Variants in TTLL10 observed in about 807,000 individuals in gnomAD.
The protein encoded by TTLL10 is inactive polyglycylase TTLL10.
A neutral mutation model predicts 69.0 loss-of-function variants in TTLL10; 61 were observed. The ratio of observed to expected loss-of-function variants is 0.88; its 90% confidence interval spans 0.72 to 1.09. TTLL10 has a LOEUF of 1.09. TTLL10 is among the 50% of genes least tolerant of loss of function. The pLI, the probability that TTLL10 is intolerant of heterozygous loss-of-function variation, is 0.00. For synonymous variants in TTLL10, 408 were observed against 393.3 expected (o/e 1.04, Z -0.44); for missense variants, 962 against 945.9 (o/e 1.02, Z -0.22).
chr1:1,192,305 T>C (rs1647856839), intron 13 of TTLL10, among the ~76,000 whole-genome samples: 1 of 152,294 alleles, frequency 6.6e-6, no homozygotes, highest in African/African-American at 2.4e-5. Flanking sequence ...TTTATCGTTA[T>C]AAAAATTTTC....
At chr1:1,176,970 C>CCCCTTTT (rs1557470376) in intron 3 of TTLL10, among the ~76,000 whole-genome samples, 2 of 152,284 alleles carry the variant, frequency 1.3e-5, no homozygotes, top group East Asian at 3.9e-4. Context: ...CCCTGTTTCT[C>CCCCTTTT]CCCTTTTCTC....
chr1:1,177,843 G>A (rs1357203189), intron 3 of TTLL10, among the ~76,000 whole-genome samples: 1 of 152,186 alleles, frequency 6.6e-6, no homozygotes, highest in Non-Finnish European at 1.5e-5. Flanking sequence ...AAGTCCTCCT[G>A]TTCTGGGTGG....
At chr1:1,196,805 G>A in intron 14 of TTLL10, 89 bp downstream of exon 14, 2 of 975,286 alleles carry the variant, frequency 2.1e-6, no homozygotes, top group Admixed American at 2.0e-5. Context: ...CAGGCCCCAG[G>A]CAGAATCTGC....
intron 13 of TTLL10, among the ~76,000 whole-genome samples, chr1:1,194,356 T>A (rs190764062): frequency 8.5e-5 from 13 of 152,330 alleles, no homozygotes; most frequent in Non-Finnish European, 1.9e-4. Context: ...TATTGTTGTA[T>A]ACAGTTGTCT....
rs754823116 is a variant in TTLL10 at position 1,179,703 on chromosome 1, C to T, written c.165C>T (p.Pro55=). 122 of 1,550,616 alleles carry T rather than the reference C, an allele frequency of 7.9e-5. No individual in the cohort carries two copies. The highest frequency in any genetic ancestry group is 1.7e-4 in the Middle Eastern group (1 of 6,012). Residue 55 remains proline (P), a synonymous_variant, in exon 5 of 16, where the codon CCC becomes CCT. Transcript: ENST00000379289. ...SRLHPAPASQ[P]GPCPAPGHCP... ...TGCACCCAGCACCGGCCTCACAGCC[C>T]GGCCCCTGCCCTGCACCAGGCCACT...
intron 3 of TTLL10, chr1:1,175,594 T>C: frequency 2.4e-6 from 1 of 420,210 alleles, no homozygotes; most frequent in South Asian, 1.7e-5. Context: ...GAGCTGTCCC[T>C]GAGCTCTCTG....
intron 12 of TTLL10, among the ~76,000 whole-genome samples, chr1:1,184,483 C>A (rs143222916): frequency 6.6e-6 from 1 of 152,284 alleles, no homozygotes; most frequent in Non-Finnish European, 1.5e-5. Flanking sequence ...GGGGACGGGT[C>A]TTCATGGGAG....
Position 1,197,556 on chromosome 1 carries a change from G to A in TTLL10, c.1731G>A (p.Gly577=). ...NGEADPRPHL[G]GSCSLRRWPP... ...AGGCCGACCCGCGGCCGCACCTGGG[G>A]GGCTCGTGCAGCCTCCGCCGCTGGC... Residue 577 remains glycine, a synonymous_variant, in exon 16 of 16, where the codon GGG becomes GGA. Coordinates refer to ENST00000379289, the MANE Select transcript of TTLL10 (RefSeq NM_001130045.2). The A allele has an allele frequency of 2.0e-6, 3 of 1,521,194 alleles. No homozygotes were observed. The highest frequency in any genetic ancestry group is 2.6e-6 in the Non-Finnish European group (3 of 1,139,024). 94.2% of individuals were successfully genotyped at this position (1,521,194 alleles called of 1,614,324 possible).
rs868666023 is a variant in TTLL10 at position 1,181,505 on chromosome 1, T to C, written c.756-236T>C. On this transcript the variant is annotated intron_variant, in intron 8 of 15. Coordinates refer to ENST00000379289, the MANE Select transcript of TTLL10 (RefSeq NM_001130045.2). This position sits in a 1 kb window ranked among gnomAD's most constrained non-coding sequence, Gnocchi z 4.6. ...CCAGCCAACCGCAGCTGCCTCCATCTGCACCCCCCGCCCCTGGTTGCCTGT... is the reference window on the plus strand; with the variant it reads ...CCAGCCAACCGCAGCTGCCTCCATCCGCACCCCCCGCCCCTGGTTGCCTGT... 6.6e-6 allele frequency among the ~76,000 whole-genome samples: 1 copy of C among 151,886 alleles called. No individual in the cohort carries two copies. Among genetic ancestry groups the C allele is most frequent in the South Asian group, 2.1e-4 (1 of 4,792 alleles).
In TTLL10 at chr1:1,185,384, G is replaced by A. The variant is rs1647245742; in HGVS notation, c.1401+275G>A. Reference sequence around the variant, plus strand: ...AGCCTCGCCGTAGGGTCAGGGGACAGCTCGGCTTCAGTGACAGCCACCATG... The same window carrying A: ...AGCCTCGCCGTAGGGTCAGGGGACAACTCGGCTTCAGTGACAGCCACCATG... On this transcript the variant is annotated intron_variant, in intron 13 of 15. Transcript: ENST00000379289. This position sits in a 1 kb window ranked among gnomAD's most constrained non-coding sequence, Gnocchi z 6.1. 3.7e-5 allele frequency: 48 copies of A among 1,298,802 alleles called. 1 individual carries two copies. The South Asian group carries it at 1.0e-3, about 28-fold the overall frequency. The allele number at this position is 1,298,802 out of a possible 1,614,324, so 80.5% of individuals were successfully genotyped here. A position where few individuals can be genotyped will look rare whatever the true frequency, so the allele number is the denominator to read the frequency against.
At chr1:1,195,637 G>A (rs1283583461) in intron 13 of TTLL10, among the ~76,000 whole-genome samples, 1 of 148,002 alleles carries the variant, frequency 6.8e-6, no homozygotes, top group Non-Finnish European at 1.5e-5. Context: ...GAGCCACTGT[G>A]CCCGGCCCAT....
At chr1:1,182,530 G>A in intron 10 of TTLL10, 84 bp downstream of exon 10, 1 of 1,426,082 alleles carries the variant, frequency 7.0e-7, no homozygotes, top group Non-Finnish European at 9.9e-7. Flanking sequence ...ATGAGGGCAG[G>A]GCTGGGTCTG....
rs1026350801 is a variant in TTLL10, at chr1:1,181,887, G to A, written c.830+72G>A. Reference sequence around the variant, plus strand: ...CCTAAACCTGGTGTCGTCTGAAAAGGAGAAAGCGGGGCGGGGGTCCCACAC... The same window carrying A: ...CCTAAACCTGGTGTCGTCTGAAAAGAAGAAAGCGGGGCGGGGGTCCCACAC... On this transcript the variant is annotated intron_variant, in intron 9 of 15. Coordinates refer to ENST00000379289, the MANE Select transcript of TTLL10 (RefSeq NM_001130045.2). The surrounding 1 kb of genome is among the most constrained non-coding windows in gnomAD (Gnocchi z 4.6). The A allele has an allele frequency of 7.1e-7, 1 of 1,413,370 alleles. No homozygotes were observed. Among genetic ancestry groups the A allele is most frequent in the Non-Finnish European group, 9.8e-7 (1 of 1,025,360 alleles). The allele number at this position is 1,413,370 out of a possible 1,614,324, so 87.6% of individuals were successfully genotyped here. A position where few individuals can be genotyped will look rare whatever the true frequency, so the allele number is the denominator to read the frequency against.
At chr1:1,184,701 C>T (rs557962407) in intron 12 of TTLL10, among the ~76,000 whole-genome samples, 9 of 151,008 alleles carry the variant, frequency 6.0e-5, no homozygotes, top group African/African-American at 2.2e-4. Context: ...CCCGTGAGGA[C>T]AGGCCCTCCG....
rs543485929 is a variant in TTLL10 at position 1,185,550 on chromosome 1, T to A, written c.1401+441T>A. The A allele has an allele frequency of 3.0e-6, 3 of 999,350 alleles. No homozygotes were observed. In the East Asian group the frequency reaches 3.2e-4, roughly 107 times the overall value. The allele number at this position is 999,350 out of a possible 1,614,324, so 61.9% of individuals were successfully genotyped here. ...GCTAAGGGCCATGTGCGGTGGAGTG[T>A]CCTAATTTTGCAGGGTTCCTTTCTG... is the stretch of plus-strand genomic sequence containing the variant. On this transcript the variant is annotated intron_variant, in intron 13 of 15. Coordinates refer to ENST00000379289, the MANE Select transcript of TTLL10 (RefSeq NM_001130045.2). This position sits in a 1 kb window ranked among gnomAD's most constrained non-coding sequence, Gnocchi z 6.1.
intron 10 of TTLL10, 112 bp from the exon 11 acceptor site, chr1:1,182,764 G>A: frequency 7.1e-7 from 1 of 1,405,658 alleles, no homozygotes; most frequent in Non-Finnish European, 9.5e-7. Context: ...GGCCAAGGTT[G>A]GAATGGCCGG....
intron 13 of TTLL10, among the ~76,000 whole-genome samples, chr1:1,192,415 ATGTAGACACTCCAGTTGGTATGAG>A (rs1557490122): frequency 4.6e-3 from 507 of 109,084 alleles, no homozygotes; most frequent in African/African-American, 0.016. Context: ...GTTGATATGA[ATGTAGACACTCCAGTTGGTATGAG>A]TGTAGACACT....
intron 13 of TTLL10, chr1:1,196,370 A>G (rs941111893): frequency 3.4e-5 from 18 of 525,750 alleles, no homozygotes; most frequent in African/African-American, 5.7e-5. Flanking sequence ...AGTTTTCCTC[A>G]CTCTCGTATC....
intron 13 of TTLL10, among the ~76,000 whole-genome samples, chr1:1,189,013 A>G (rs1647550747): frequency 1.3e-5 from 2 of 152,134 alleles, no homozygotes; most frequent in African/African-American, 4.8e-5. Flanking sequence ...TGTATCCTTC[A>G]ACTTTCCTGA....
Sources: gnomAD v4.1 joint callset for allele counts (sites outside exome capture counted in the v4.1 genomes callset) on GRCh38, gnomAD v4.1.1 for gene constraint, Gnocchi (gnomAD v3.1) non-coding constraint, MANE v1.5 for transcripts, NCBI Gene and HGNC (gene_info 2026-07-23, HGNC 2026-07-21) for gene names.